Variants in VTI1A observed in about 807,000 individuals in gnomAD.
The protein encoded by VTI1A is vesicle transport through interaction with t-SNAREs homolog 1A.
A neutral mutation model predicts 34.9 loss-of-function variants in VTI1A; 22 were observed. That is an observed-to-expected ratio of 0.63 (90% CI 0.45 to 0.90). The LOEUF (loss-of-function observed/expected upper bound fraction) is 0.90, where lower values mean the gene tolerates loss of function less well. VTI1A is among the 40% of genes least tolerant of loss of function. The pLI is 0.00. For missense variants in VTI1A, 268 were observed against 275.6 expected (o/e 0.97, Z 0.20); for synonymous variants, 87 against 97.3 (o/e 0.89, Z 0.62).
chr10:112,554,599 T>A (rs1851481132), intron 5 of VTI1A, among the ~76,000 whole-genome samples: 1 of 152,162 alleles, frequency 6.6e-6, no homozygotes, highest in African/African-American at 2.4e-5. Flanking sequence ...AGTCTTCATA[T>A]TTATTGAGTA....
At chr10:112,699,556 G>T (rs747273450) in intron 7 of VTI1A, among the ~76,000 whole-genome samples, 3 of 152,222 alleles carry the variant, frequency 2.0e-5, no homozygotes, top group Non-Finnish European at 4.4e-5. Context: ...GGAGGAGCCG[G>T]GCATGGTGGC....
At chr10:112,781,137 G>T (rs1481242162) in intron 7 of VTI1A, among the ~76,000 whole-genome samples, 3 of 151,980 alleles carry the variant, frequency 2.0e-5, no homozygotes, top group Non-Finnish European at 4.4e-5. Flanking sequence ...TAGAGGCGGG[G>T]TTTCACCATG....
intron 7 of VTI1A, among the ~76,000 whole-genome samples, chr10:112,780,306 AAAT>A (rs1347715746): frequency 1.4e-5 from 2 of 145,546 alleles, no homozygotes; most frequent in Non-Finnish European, 3.0e-5. Context: ...ATAAATAAAT[AAAT>A]AAATAAATAA....
chr10:112,546,167 A>G (rs1851112550), intron 5 of VTI1A, among the ~76,000 whole-genome samples: 1 of 151,198 alleles, frequency 6.6e-6, no homozygotes, highest in African/African-American at 2.4e-5. Context: ...GTGTATATAT[A>G]TACACACACA....
chr10:112,742,357 C>T (rs1347188695), intron 7 of VTI1A, among the ~76,000 whole-genome samples: 1 of 152,204 alleles, frequency 6.6e-6, no homozygotes, highest in Non-Finnish European at 1.5e-5. Context: ...AAGTAAACAG[C>T]TTGATACAGA....
intron 3 of VTI1A, among the ~76,000 whole-genome samples, chr10:112,479,330 C>G (rs1848387383): frequency 6.6e-6 from 1 of 150,788 alleles, no homozygotes; most frequent in African/African-American, 2.5e-5. Context: ...GACACTACCT[C>G]AGAACCAAGG....
intron 7 of VTI1A, among the ~76,000 whole-genome samples, chr10:112,768,472 T>C (rs1851709801): frequency 6.6e-6 from 1 of 152,206 alleles, no homozygotes; most frequent in South Asian, 2.1e-4. Flanking sequence ...ACATTTGGTA[T>C]TCCCCCATGA....
chr10:112,447,449 G>T lies in VTI1A; in HGVS notation c.76G>T (p.Val26Phe), dbSNP rs780736147. 1.9e-6 allele frequency: 3 copies of T among 1,613,542 alleles called. No individual in the cohort carries two copies. The highest frequency in any genetic ancestry group is 1.1e-5 in the South Asian group (1 of 91,018). ...AGAGATCACCAGCAAGATTGCGAGG[G>T]TCCCACGACTCCCGCCTGGTGAGAG... ...TAEITSKIAR[V>F]PRLPPDEKKQ... The change falls in exon 1 of 8, where the codon GTC becomes TTC. Residue 26 changes from valine (V) to phenylalanine (F), a missense_variant. Physicochemically the swap from Val to Phe is conservative, Grantham distance 50. Transcript: ENST00000393077.
At chr10:112,737,970 G>T in intron 7 of VTI1A, 1 of 865,750 alleles carries the variant, frequency 1.2e-6, no homozygotes, top group Non-Finnish European at 1.4e-6. Flanking sequence ...AGGGCCTCCT[G>T]CAAGTCCTCC....
intron 5 of VTI1A, among the ~76,000 whole-genome samples, chr10:112,547,683 A>G (rs1851184649): frequency 6.6e-6 from 1 of 152,198 alleles, no homozygotes; most frequent in Non-Finnish European, 1.5e-5. Context: ...CAGTTTATGT[A>G]TGCCCTTTAT....
chr10:112,832,694 A>G, the VTI1A span, among the ~76,000 whole-genome samples: 19 of 152,334 alleles, frequency 1.2e-4, no homozygotes, highest in African/African-American at 4.3e-4. Context: ...AATGTTTCCC[A>G]GAGAATCTCA....
intron 7 of VTI1A, among the ~76,000 whole-genome samples, chr10:112,731,429 G>C (rs1039750572): frequency 1.3e-5 from 2 of 152,076 alleles, no homozygotes; most frequent in African/African-American, 4.8e-5. Context: ...AAAAAAATTA[G>C]CCAGGCATGG....
intron 4 of VTI1A, among the ~76,000 whole-genome samples, chr10:112,531,060 ACCT>A (rs781153481): frequency 9.9e-4 from 78 of 78,416 alleles, no homozygotes; most frequent in African/African-American, 3.3e-3. Flanking sequence ...CACGTGACAC[ACCT>A]CACACACACA....
chr10:112,628,160 T>C (rs983119579), intron 5 of VTI1A, among the ~76,000 whole-genome samples: 3 of 152,234 alleles, frequency 2.0e-5, no homozygotes, highest in African/African-American at 7.2e-5. Context: ...AGATCTAAAT[T>C]ATTTCCTAGT....
At chr10:112,572,553 G>A (rs117169067) in intron 5 of VTI1A, among the ~76,000 whole-genome samples, 1 of 152,226 alleles carries the variant, frequency 6.6e-6, no homozygotes, top group Non-Finnish European at 1.5e-5. Flanking sequence ...AAATTGAAAT[G>A]TTCGGTCAGG....
chr10:112,839,870 T>A, the VTI1A span, among the ~76,000 whole-genome samples: 1 of 151,970 alleles, frequency 6.6e-6, no homozygotes, highest in African/African-American at 2.4e-5. Context: ...AGAGGATGAG[T>A]GGTGACAGGC....
intron 3 of VTI1A, among the ~76,000 whole-genome samples, chr10:112,475,963 G>C (rs1000944038): frequency 6.6e-6 from 1 of 152,188 alleles, no homozygotes; most frequent in African/African-American, 2.4e-5. Flanking sequence ...CAGTGCAACT[G>C]TCAGCCTATT....
At chr10:112,657,322 T>G (rs1045127981) in intron 5 of VTI1A, among the ~76,000 whole-genome samples, 5 of 152,218 alleles carry the variant, frequency 3.3e-5, no homozygotes, top group African/African-American at 9.6e-5. Flanking sequence ...ATTCAGTATA[T>G]CTATACTTTC....
At chr10:112,586,871 C>T (rs559310358) in intron 5 of VTI1A, among the ~76,000 whole-genome samples, 1 of 152,304 alleles carries the variant, frequency 6.6e-6, no homozygotes, top group South Asian at 2.1e-4. Context: ...ATTTAGTCGT[C>T]TAAAAATGGC....
Sources: gnomAD v4.1 joint callset for allele counts (sites outside exome capture counted in the v4.1 genomes callset) on GRCh38, gnomAD v4.1.1 for gene constraint, MANE v1.5 for transcripts, NCBI Gene and HGNC (gene_info 2026-07-23, HGNC 2026-07-21) for gene names.